JARID2: variants seen among roughly 807,000 people sequenced by gnomAD.
JARID2 encodes the protein jumonji and AT-rich interaction domain containing 2.
JARID2 carries 21 observed loss-of-function variants against 125.6 expected under a neutral mutation model. The observed-to-expected ratio is 0.17, with a 90% CI of 0.12 to 0.24. JARID2 has a LOEUF of 0.24. Ranked by LOEUF, JARID2 falls within the 10% of genes least tolerant of loss-of-function variation. The pLI, the probability that JARID2 is intolerant of heterozygous loss-of-function variation, is 1.00. For synonymous variants in JARID2, 736 were observed against 661.6 expected (o/e 1.11, Z -1.73); for missense variants, 1,303 against 1,639.6 (o/e 0.79, Z 3.55).
At chr6:15,261,587 T>G (rs1339373604) in intron 1 of JARID2, among the ~76,000 whole-genome samples, 2 of 152,180 alleles carry the variant, frequency 1.3e-5, no homozygotes, top group African/African-American at 4.8e-5. Context: ...CCCAAAGTGC[T>G]GGGATTACAG....
chr6:15,262,005 C>T (rs1322376658), intron 1 of JARID2, among the ~76,000 whole-genome samples: 1 of 151,954 alleles, frequency 6.6e-6, no homozygotes, highest in African/African-American at 2.4e-5. Flanking sequence ...TGGTTTCAAA[C>T]TCCTGACCTT....
chr6:15,281,966 T>TGTGTGTGTG (rs1760770122), intron 1 of JARID2, among the ~76,000 whole-genome samples: 2 of 118,600 alleles, frequency 1.7e-5, no homozygotes, highest in African/African-American at 6.4e-5. Flanking sequence ...GTGTGTGTGT[T>TGTGTGTGTG]TGAGACAGAG....
At chr6:15,381,590 T>C (rs1434954774) in intron 2 of JARID2, among the ~76,000 whole-genome samples, 2 of 152,226 alleles carry the variant, frequency 1.3e-5, no homozygotes, top group African/African-American at 4.8e-5. Flanking sequence ...AAACAACTTA[T>C]TTTTTGTTTA....
chr6:15,511,430 A>G (rs1245377503), intron 13 of JARID2, 29 bp downstream of exon 13: 1 of 1,427,512 alleles, frequency 7.0e-7, no homozygotes, highest in Non-Finnish European at 9.9e-7. Flanking sequence ...CGCCTCCAGC[A>G]GGAGCTGTAG....
intron 2 of JARID2, among the ~76,000 whole-genome samples, chr6:15,378,516 C>A (rs1305735495): frequency 3.3e-5 from 5 of 152,088 alleles, no homozygotes; most frequent in Admixed American, 3.3e-4. Flanking sequence ...GATCTGTAAA[C>A]TGAAAGACCC....
intron 1 of JARID2, among the ~76,000 whole-genome samples, chr6:15,253,874 T>C (rs1401302437): frequency 6.6e-6 from 1 of 152,214 alleles, no homozygotes; most frequent in Non-Finnish European, 1.5e-5. Context: ...GAGTCCATTT[T>C]ATAGATGAGA....
intron 5 of JARID2, among the ~76,000 whole-genome samples, chr6:15,486,098 A>G (rs1457393908): frequency 6.6e-6 from 1 of 152,194 alleles, no homozygotes; most frequent in Admixed American, 6.5e-5. Context: ...CTCTGGCAGG[A>G]TGATGGCTAA....
chr6:15,321,783 GTTTTTTTTTTTT>G (rs71687714), intron 1 of JARID2, among the ~76,000 whole-genome samples: 2 of 68,474 alleles, frequency 2.9e-5, no homozygotes, highest in East Asian at 5.1e-4. Flanking sequence ...AAGAATTCTT[GTTTTTTTTTTTT>G]TTTTTTTTTT....
chr6:15,407,093 A>AT (rs1358609416), intron 2 of JARID2, among the ~76,000 whole-genome samples: 3 of 151,904 alleles, frequency 2.0e-5, no homozygotes, highest in African/African-American at 7.3e-5. Context: ...GACCCCATGT[A>AT]TAAAAAAAAA....
chr6:15,261,801 T>TTTTA (rs1759889400), intron 1 of JARID2, among the ~76,000 whole-genome samples: 1 of 150,782 alleles, frequency 6.6e-6, no homozygotes, highest in African/African-American at 2.5e-5. Context: ...TTTTTTTTTT[T>TTTTA]GAGATGGAGC....
chr6:15,497,770 C>CG (rs1408111826), intron 7 of JARID2, among the ~76,000 whole-genome samples: 2 of 152,110 alleles, frequency 1.3e-5, no homozygotes, highest in Non-Finnish European at 1.5e-5. Context: ...AAGCAGGGGC[C>CG]GGGGGGCCAG....
At chr6:15,400,794 G>T in intron 2 of JARID2, 2 of 985,216 alleles carry the variant, frequency 2.0e-6, no homozygotes, top group Non-Finnish European at 2.4e-6. Context: ...TGTTCTGGCC[G>T]TCCTATTGCC....
chr6:15,443,925 G>A (rs1025327008), intron 3 of JARID2, among the ~76,000 whole-genome samples: 1 of 152,174 alleles, frequency 6.6e-6, no homozygotes, highest in Non-Finnish European at 1.5e-5. Flanking sequence ...TTCATCTTGA[G>A]GGGAATTCAA....
At chr6:15,438,857 C>T (rs1400240536) in intron 3 of JARID2, among the ~76,000 whole-genome samples, 1 of 152,102 alleles carries the variant, frequency 6.6e-6, no homozygotes, top group African/African-American at 2.4e-5. Flanking sequence ...CATGGTGAAA[C>T]CCTGCCTCTA....
intron 2 of JARID2, among the ~76,000 whole-genome samples, chr6:15,406,555 G>GCAAT (rs1765660102): frequency 6.6e-6 from 1 of 152,168 alleles, no homozygotes; most frequent in Admixed American, 6.5e-5. Flanking sequence ...GGTACTCATT[G>GCAAT]CAATCCTCAG....
chr6:15,437,643 A>G (rs974658126), intron 3 of JARID2, among the ~76,000 whole-genome samples: 2 of 150,654 alleles, frequency 1.3e-5, no homozygotes, highest in African/African-American at 4.9e-5. Flanking sequence ...GCAACAGGGA[A>G]AAAAAAAACA....
chr6:15,415,688 G>A (rs1319686253), intron 3 of JARID2, among the ~76,000 whole-genome samples: 3 of 146,226 alleles, frequency 2.1e-5, no homozygotes, highest in Non-Finnish European at 4.5e-5. Flanking sequence ...CTGGCCGGGC[G>A]GGGGGCTGAC....
chr6:15,254,876 C>T (rs568662906), intron 1 of JARID2, among the ~76,000 whole-genome samples: 2 of 151,910 alleles, frequency 1.3e-5, no homozygotes, highest in African/African-American at 4.8e-5. Flanking sequence ...TCCGTCTCTA[C>T]TAAAAATGCA....
intron 3 of JARID2, among the ~76,000 whole-genome samples, chr6:15,411,303 A>G (rs1765865194): frequency 6.6e-6 from 1 of 152,266 alleles, no homozygotes; most frequent in Admixed American, 6.5e-5. Flanking sequence ...AAAAATTAAG[A>G]GAAAAGGACA....
Sources: gnomAD v4.1 joint callset for allele counts (sites outside exome capture counted in the v4.1 genomes callset) on GRCh38, gnomAD v4.1.1 for gene constraint, MANE v1.5 for transcripts, NCBI Gene and HGNC (gene_info 2026-07-23, HGNC 2026-07-21) for gene names.